The following DNAH11 variants were observed in gnomAD, a reference collection of about 807,000 sequenced individuals.
DNAH11 encodes dynein axonemal heavy chain 11, also known as axonemal beta dynein heavy chain 11.
In DNAH11, 442 loss-of-function variants were observed where a neutral mutation model predicts 526.0. The ratio of observed to expected loss-of-function variants is 0.84; its 90% confidence interval spans 0.78 to 0.91. The LOEUF (loss-of-function observed/expected upper bound fraction) is 0.91, where lower values mean the gene tolerates loss of function less well. Among genes scored for constraint, DNAH11 ranks in the 40% least tolerant of loss-of-function variants. The probability of loss-of-function intolerance (pLI) is 0.00; values close to 1 mark genes in which losing one functional copy is unlikely to be tolerated. For synonymous variants in DNAH11, 2,461 were observed against 1,935.9 expected (o/e 1.27, Z -7.12); for missense variants, 6,989 against 5,448.7 (o/e 1.28, Z -8.90).
rs376347861 is a variant in DNAH11 at position 21,799,497 on chromosome 7, C to A, written c.10027-1640C>A. On this transcript the variant is annotated intron_variant, in intron 61 of 81. Transcript: ENST00000409508. ...GGATTACAGGCACCCGCCACCACGC[C>A]CGGCTAATTTTTGTATTTTTAGTAG... is the stretch of plus-strand genomic sequence containing the variant. Among the ~76,000 whole-genome samples, 69 of 152,178 alleles carry A rather than the reference C, an allele frequency of 4.5e-4. No individual in the cohort carries two copies. In the East Asian group the frequency reaches 0.013, roughly 28 times the overall value.
At chr7:21,712,758 G>A (rs766840163) in intron 42 of DNAH11, among the ~76,000 whole-genome samples, 14 of 152,202 alleles carry the variant, frequency 9.2e-5, no homozygotes, top group Admixed American at 1.3e-4. Flanking sequence ...TTGTTAAAAT[G>A]TTGGTATAAA....
chr7:21,694,906 A>T (rs898012985), intron 35 of DNAH11, among the ~76,000 whole-genome samples: 1 of 152,188 alleles, frequency 6.6e-6, no homozygotes, highest in Non-Finnish European at 1.5e-5. Flanking sequence ...CTGGCATGAG[A>T]TGACATCTCA....
chr7:21,786,825 C>T (rs1307649759), intron 59 of DNAH11, 58 bp downstream of exon 59: 3 of 1,595,332 alleles, frequency 1.9e-6, no homozygotes, highest in Admixed American at 1.7e-5. Flanking sequence ...GTTTTCAGTA[C>T]TGTGGTTATG....
Position 21,783,606 on chromosome 7 carries a change from T to C in DNAH11, c.9484-821T>C, listed in dbSNP as rs999430010. On this transcript the variant is annotated intron_variant, in intron 57 of 81. Coordinates refer to ENST00000409508, the MANE Select transcript of DNAH11 (RefSeq NM_001277115.2). ...TCACTCTTCCTGGCCTTTCAGATTC[T>C]ATAGGTATCTTAAGGAGAGGAGGAT... Among the ~76,000 whole-genome samples the C allele has an allele frequency of 3.7e-4, 57 of 152,298 alleles. 1 individual carries two copies. The highest frequency in any genetic ancestry group is 1.3e-3 in the African/African-American group (56 of 41,562).
At chr7:21,611,193 A>C (rs1455263312) in intron 20 of DNAH11, among the ~76,000 whole-genome samples, 1 of 152,136 alleles carries the variant, frequency 6.6e-6, no homozygotes, top group African/African-American at 2.4e-5. Flanking sequence ...TCTCCTCTGG[A>C]AAAGGAATAC....
intron 45 of DNAH11, among the ~76,000 whole-genome samples, chr7:21,732,201 G>A (rs1785415266): frequency 6.6e-6 from 1 of 152,166 alleles, no homozygotes; most frequent in Non-Finnish European, 1.5e-5. Context: ...AGTTCAAGGT[G>A]TCAGCAAGTT....
intron 3 of DNAH11, among the ~76,000 whole-genome samples, 167 bp downstream of exon 3, chr7:21,559,165 A>G (rs1353377147): frequency 6.6e-6 from 1 of 152,198 alleles, no homozygotes; most frequent in Non-Finnish European, 1.5e-5. Flanking sequence ...CTCCACAAAT[A>G]AAATAAAATG....
chr7:21,765,436 G>C lies in DNAH11; in HGVS notation c.8949G>C (p.Leu2983Phe). 6.2e-7 allele frequency: 1 copy of C among 1,613,700 alleles called. No individual in the cohort carries two copies. The highest frequency in any genetic ancestry group is 1.7e-5 in the Admixed American group (1 of 60,006). ...ARVRLQLKII[L>F]CFSPVGRTLR... The stretch of plus-strand genomic sequence containing the variant: ...CCCCCATGTCTCCACAGATCATTTT[G>C]TGTTTCTCTCCAGTTGGTCGCACGC... Residue 2983 changes from leucine to phenylalanine, a missense_variant, in exon 55 of 82, where the codon TTG becomes TTC. Leu to Phe is a conservative substitution (Grantham distance 22). Coordinates refer to ENST00000409508, the MANE Select transcript of DNAH11 (RefSeq NM_001277115.2).
intron 57 of DNAH11, among the ~76,000 whole-genome samples, chr7:21,779,394 A>G (rs1385992520): frequency 1.3e-5 from 2 of 152,190 alleles, no homozygotes; most frequent in Non-Finnish European, 2.9e-5. Context: ...TTTGTAATAC[A>G]GTAAAGGTCA....
chr7:21,592,123 C>A (rs73682646), intron 14 of DNAH11, among the ~76,000 whole-genome samples: 210 of 152,256 alleles, frequency 1.4e-3, no homozygotes, highest in African/African-American at 4.7e-3. Context: ...CAACACAATG[C>A]TCCCCTGCCA....
At chr7:21,882,168 T>C (rs920529046) in intron 75 of DNAH11, among the ~76,000 whole-genome samples, 3 of 152,062 alleles carry the variant, frequency 2.0e-5, no homozygotes, top group Non-Finnish European at 4.4e-5. Context: ...CTATACACCA[T>C]TGAGGTGGAA....
In DNAH11 at chr7:21,574,638, A is replaced by T. The variant is rs1392261166; in HGVS notation, c.1593+2665A>T. ...GAGTGCAATGGTGCGATCTTAGCTC[A>T]CTGCAACCTCTGCCTCCTGGCTTCA... is the stretch of plus-strand genomic sequence containing the variant. On this transcript the variant is annotated intron_variant, in intron 8 of 81. Coordinates refer to ENST00000409508, the MANE Select transcript of DNAH11 (RefSeq NM_001277115.2). 1.0e-4 allele frequency among the ~76,000 whole-genome samples: 14 copies of T among 139,576 alleles called. 2 individuals are homozygous for T. In the Admixed American group the frequency reaches 1.0e-3, roughly 10 times the overall value. The allele number at this position is 139,576 out of a possible 152,430, so 91.6% of individuals were successfully genotyped here.
chr7:21,710,490 T>A, intron 40 of DNAH11, 63 bp from the exon 41 acceptor site: 1 of 1,445,106 alleles, frequency 6.9e-7, no homozygotes, highest in African/African-American at 1.5e-5. Flanking sequence ...TAAAAGAGCT[T>A]CCAAGATGAA....
Position 21,619,963 on chromosome 7 carries a change from C to G in DNAH11, c.4385C>G (p.Thr1462Ser). The change falls in exon 25 of 82, where the codon ACT becomes AGT. Residue 1462 changes from threonine (T) to serine (S), a missense_variant. Thr to Ser is a moderately conservative substitution (Grantham distance 58). Coordinates refer to ENST00000409508, the MANE Select transcript of DNAH11 (RefSeq NM_001277115.2). ...TATATTGTTGATTACTAGGTTATTA[C>G]TGAAATCAGTCAGACCTGGGCAACC... Reference protein sequence around the residue: ...VKELGTEKVITEISQTWATMK... With the variant: ...VKELGTEKVISEISQTWATMK... 1 of 1,598,234 alleles carries G rather than the reference C, an allele frequency of 6.3e-7. No homozygotes were observed. The highest frequency in any genetic ancestry group is 8.5e-7 in the Non-Finnish European group (1 of 1,174,610).
chr7:21,704,991 A>G (rs553513500), intron 38 of DNAH11, among the ~76,000 whole-genome samples: 1 of 152,344 alleles, frequency 6.6e-6, no homozygotes, highest in East Asian at 1.9e-4. Context: ...TGAGGGAAGA[A>G]TGACAACATG....
At chr7:21,628,227 T>A (rs1400196292) in intron 25 of DNAH11, among the ~76,000 whole-genome samples, 2 of 152,162 alleles carry the variant, frequency 1.3e-5, no homozygotes, top group Non-Finnish European at 2.9e-5. Context: ...CAAGATCATG[T>A]AATCTGAGAA....
chr7:21,565,469 C>G (rs1783628861), intron 6 of DNAH11, among the ~76,000 whole-genome samples: 1 of 152,076 alleles, frequency 6.6e-6, no homozygotes, highest in Non-Finnish European at 1.5e-5. Flanking sequence ...GCTCAATTTC[C>G]CTGAGCAGTT....
intron 8 of DNAH11, among the ~76,000 whole-genome samples, chr7:21,572,992 C>T (rs545102629): frequency 9.2e-5 from 14 of 152,266 alleles, no homozygotes; most frequent in East Asian, 5.8e-4. Context: ...TCTAGGTTAG[C>T]GCCGCTGAAC....
intron 68 of DNAH11, 84 bp downstream of exon 68, chr7:21,854,539 T>TC: frequency 3.9e-6 from 5 of 1,295,254 alleles, no homozygotes; most frequent in Non-Finnish European, 5.3e-6. Flanking sequence ...TTATTATTGA[T>TC]AATAATAATA....
Sources: gnomAD v4.1 joint callset for allele counts (sites outside exome capture counted in the v4.1 genomes callset) on GRCh38, gnomAD v4.1.1 for gene constraint, MANE v1.5 for transcripts, NCBI Gene and HGNC (gene_info 2026-07-23, HGNC 2026-07-21) for gene names.